BNC2: variants seen among roughly 807,000 people sequenced by gnomAD.
BNC2 encodes basonuclin zinc finger protein 2.
Under a neutral mutation model 76.3 loss-of-function variants are expected in BNC2, and 20 were observed. The observed-to-expected ratio is 0.26, with a 90% CI of 0.18 to 0.38. BNC2 has a LOEUF of 0.38. BNC2 is among the 10% of genes least tolerant of loss of function. The probability of loss-of-function intolerance (pLI) is 1.00; values close to 1 mark genes in which losing one functional copy is unlikely to be tolerated. For synonymous variants in BNC2, 582 were observed against 514.8 expected, an observed-to-expected ratio of 1.13 and a Z score of -1.77; for missense variants, 1,382 against 1,399.8, an observed-to-expected ratio of 0.99 and a Z score of 0.20.
At chr9:16,467,449 T>G in intron 5 of BNC2, among the ~76,000 whole-genome samples, 1 of 142,036 alleles carries the variant, frequency 7.0e-6, no homozygotes, top group Non-Finnish European at 1.5e-5. Context: ...CCAACAATGA[T>G]AGACTGGATT....
chr9:16,578,257 G>A (rs780916252), intron 4 of BNC2, among the ~76,000 whole-genome samples: 5 of 152,076 alleles, frequency 3.3e-5, no homozygotes, highest in Admixed American at 6.5e-5. Context: ...AAACGCCTTA[G>A]AATTCAGTTT....
intron 3 of BNC2, among the ~76,000 whole-genome samples, chr9:16,662,140 G>A (rs1238196216): frequency 2.6e-5 from 4 of 152,160 alleles, no homozygotes; most frequent in Admixed American, 2.0e-4. Flanking sequence ...TCCTTCAGAG[G>A]GGAAAACATT....
chr9:16,434,837 T>G, intron 6 of BNC2: 1 of 456,844 alleles, frequency 2.2e-6, no homozygotes, highest in South Asian at 1.5e-5. Flanking sequence ...CTGTGCATAA[T>G]CCGCATGGTA....
At chr9:16,552,469 C>CT in intron 5 of BNC2, 61 bp downstream of exon 5, 2 of 1,464,720 alleles carry the variant, frequency 1.4e-6, no homozygotes, top group Non-Finnish European at 1.9e-6. Context: ...GTCAAGGACT[C>CT]TCACCCTTCC....
intron 1 of BNC2, among the ~76,000 whole-genome samples, chr9:16,867,193 T>C (rs1185468954): frequency 6.6e-6 from 1 of 152,162 alleles, no homozygotes; most frequent in African/African-American, 2.4e-5. Context: ...TTTAAAAATC[T>C]ACATTTAAAT....
At chr9:16,724,686 A>T (rs1257327262) in intron 3 of BNC2, among the ~76,000 whole-genome samples, 1 of 152,168 alleles carries the variant, frequency 6.6e-6, no homozygotes, top group African/African-American at 2.4e-5. Flanking sequence ...TGAAAGATGT[A>T]CATTTAAGCA....
At chr9:16,537,393 T>A (rs1011857930) in intron 5 of BNC2, among the ~76,000 whole-genome samples, 1 of 152,102 alleles carries the variant, frequency 6.6e-6, no homozygotes. Context: ...TTTAGAAATA[T>A]TATTGCTGTA....
chr9:16,537,325 A>G (rs1374237892), intron 5 of BNC2, among the ~76,000 whole-genome samples: 2 of 152,154 alleles, frequency 1.3e-5, no homozygotes, highest in Non-Finnish European at 2.9e-5. Context: ...CACTCGAAAC[A>G]CTATAGTATT....
At position 16,702,698 on chromosome 9, in the gene BNC2, A is replaced by G. The variant is rs115051869; in HGVS notation, c.330+25099T>C. ...CCCAAGGGATAAAAACTGGAGAATA[A>G]GCCACAGAGCAGGTCAAAGGAGGAT... On this transcript the variant is annotated intron_variant, in intron 3 of 6. Transcript: ENST00000380672. Among the ~76,000 whole-genome samples the G allele has an allele frequency of 8.9e-3, 1,359 of 152,328 alleles. 15 individuals carry two copies. Among genetic ancestry groups the G allele is most frequent in the African/African-American group, 0.031 (1,269 of 41,572 alleles).
intron 5 of BNC2, among the ~76,000 whole-genome samples, chr9:16,494,247 G>A (rs1822338357): frequency 6.6e-6 from 1 of 152,074 alleles, no homozygotes; most frequent in African/African-American, 2.4e-5. Flanking sequence ...ACACCTCCCA[G>A]ATTCAAGCGA....
chr9:16,682,323 T>C lies in BNC2; in HGVS notation c.330+45474A>G, dbSNP rs889030259. On this transcript the variant is annotated intron_variant, in intron 3 of 6. Coordinates refer to ENST00000380672, the MANE Select transcript of BNC2 (RefSeq NM_017637.6). ...CCAACATCATAGGAATTTAAATCCGTTCATAGTGATCGACAGACTTCGATG... is the reference window on the plus strand; with the variant it reads ...CCAACATCATAGGAATTTAAATCCGCTCATAGTGATCGACAGACTTCGATG... Among the ~76,000 whole-genome samples the C allele has an allele frequency of 4.0e-5, 6 of 151,042 alleles. 1 individual carries two copies. The highest frequency in any genetic ancestry group is 1.5e-4 in the African/African-American group (6 of 40,748).
intron 1 of BNC2, among the ~76,000 whole-genome samples, chr9:16,758,192 T>C (rs1418026170): frequency 7.9e-6 from 1 of 125,922 alleles, no homozygotes; most frequent in Non-Finnish European, 1.7e-5. Context: ...TCTCTTACTA[T>C]TCTTCCATGG....
At chr9:16,632,924 T>C (rs1305814723) in intron 3 of BNC2, among the ~76,000 whole-genome samples, 1 of 152,212 alleles carries the variant, frequency 6.6e-6, no homozygotes, top group Admixed American at 6.5e-5. Context: ...GGTTTCTTAA[T>C]ACCAGCTGGC....
intron 5 of BNC2, among the ~76,000 whole-genome samples, chr9:16,479,970 G>A (rs1189606814): frequency 1.3e-5 from 2 of 152,276 alleles, no homozygotes; most frequent in Non-Finnish European, 2.9e-5. Context: ...ATCAGCTAAA[G>A]TTATTATCAT....
intron 2 of BNC2, 140 bp from the exon 3 acceptor site, chr9:16,728,137 C>A: frequency 1.3e-6 from 1 of 774,150 alleles, no homozygotes; most frequent in Non-Finnish European, 2.3e-6. Flanking sequence ...GCTTCTTTCG[C>A]ACCTTCTGCA....
intron 3 of BNC2, among the ~76,000 whole-genome samples, chr9:16,616,790 G>GTGAAGGAAGGAA (rs1820712442): frequency 9.7e-5 from 1 of 10,338 alleles, no homozygotes. Context: ...GGAGGAAGGA[G>GTGAAGGAAGGAA]GGAAGGAAGG....
At chr9:16,442,863 T>G (rs1156579131) in intron 5 of BNC2, among the ~76,000 whole-genome samples, 2 of 151,888 alleles carry the variant, frequency 1.3e-5, no homozygotes, top group African/African-American at 2.4e-5. Context: ...CCCAGCAGTT[T>G]GGGAGGCAGA....
At chr9:16,685,533 TAA>T in intron 3 of BNC2, 1 of 1,302,086 alleles carries the variant, frequency 7.7e-7, no homozygotes, top group Non-Finnish European at 1.0e-6. Context: ...AGAAAACAGT[TAA>T]GACTCTAACC....
intron 6 of BNC2, among the ~76,000 whole-genome samples, chr9:16,422,046 TA>T (rs1410873354): frequency 1.3e-5 from 2 of 152,286 alleles, no homozygotes; most frequent in African/African-American, 4.8e-5. Flanking sequence ...TAAGGAAGAA[TA>T]AATTAACATT....
Sources: allele counts gnomAD v4.1 joint callset (sites outside exome capture counted in the v4.1 genomes callset), GRCh38; gene constraint gnomAD v4.1.1; transcripts MANE v1.5; gene names NCBI Gene and HGNC (gene_info 2026-07-23, HGNC 2026-07-21).